The following WWOX variants were observed in gnomAD, a reference collection of about 807,000 sequenced individuals.
The protein encoded by WWOX is WW domain containing oxidoreductase.
A neutral mutation model predicts 46.2 loss-of-function variants in WWOX; 69 were observed. The ratio of observed to expected loss-of-function variants is 1.49; its 90% CI spans 1.23 to 1.82. The LOEUF is 1.82. Among genes scored for constraint, WWOX ranks in the 40% most tolerant of loss-of-function variants. The pLI is 0.00. For missense variants in WWOX, 919 were observed against 542.6 expected (o/e 1.69, Z -6.89); for synonymous variants, 359 against 202.6 (o/e 1.77, Z -6.56).
chr16:79,194,453 A>G (rs2051197997), intron 8 of WWOX, among the ~76,000 whole-genome samples: 1 of 152,180 alleles, frequency 6.6e-6, no homozygotes, highest in Non-Finnish European at 1.5e-5. Context: ...GAAGATGAAG[A>G]AAGGTTCTGG....
intron 8 of WWOX, among the ~76,000 whole-genome samples, chr16:78,846,006 G>A (rs2052288828): frequency 6.6e-6 from 1 of 152,200 alleles, no homozygotes; most frequent in South Asian, 2.1e-4. Context: ...TAAGATGGTA[G>A]CGTGGATGCG....
intron 5 of WWOX, among the ~76,000 whole-genome samples, chr16:78,186,508 A>C (rs180957219): frequency 8.6e-4 from 131 of 152,348 alleles, no homozygotes; most frequent in African/African-American, 3.1e-3. Context: ...TCATGCCTGT[A>C]ATGTCAGCAC....
At chr16:78,161,111 G>T (rs114553375) in intron 4 of WWOX, among the ~76,000 whole-genome samples, 3 of 150,822 alleles carry the variant, frequency 2.0e-5, no homozygotes, top group Non-Finnish European at 4.4e-5. Context: ...CTTTTGGCCC[G>T]TGTTATACAG....
In WWOX at chr16:78,897,082, G is replaced by GAA. The variant is rs200661293; in HGVS notation, c.1057-314516_1057-314515dup. On this transcript the variant is annotated intron_variant, in intron 8 of 8. Coordinates refer to ENST00000566780, the MANE Select transcript of WWOX (RefSeq NM_016373.4). ...GCCTCCACTAAAAATACAAAAAAAAGAAAAAAAAAAAGAAAAAAATAGCTG... is the reference window on the plus strand; with the variant it reads ...GCCTCCACTAAAAATACAAAAAAAAGAAAAAAAAAAAAAGAAAAAAATAGCTG... 27 of 138,912 alleles carry GAA rather than the reference G, an allele frequency of 1.9e-4. 1 individual carries two copies. The highest frequency in any genetic ancestry group is 4.7e-4 in the South Asian group (2 of 4,300). The allele number at this position is 138,912 out of a possible 1,614,324, so 8.6% of individuals were successfully genotyped here. A position where few individuals can be genotyped will look rare whatever the true frequency, so the allele number is the denominator to read the frequency against.
rs1172570132 is a variant in WWOX, at chr16:78,710,859, C to G, written c.1056+278107C>G. ...CTCAAACTCCTGAGCTCAAGCGATC[C>G]TACTCACTCGGCCTCCCAAAGTGCT... On this transcript the variant is annotated intron_variant, in intron 8 of 8. Transcript: ENST00000566780. Among the ~76,000 whole-genome samples the G allele has an allele frequency of 2.0e-5, 3 of 152,148 alleles. No individual in the cohort carries two copies. In the East Asian group the frequency reaches 5.8e-4, roughly 29 times the overall value.
chr16:78,393,840 G>GT (rs1448327763), intron 6 of WWOX, among the ~76,000 whole-genome samples: 2 of 150,266 alleles, frequency 1.3e-5, no homozygotes, highest in Non-Finnish European at 2.9e-5. Context: ...GAACAGTGGT[G>GT]TTTTTTTAAT....
chr16:79,134,616 C>T (rs1312210399), intron 8 of WWOX, among the ~76,000 whole-genome samples: 1 of 152,148 alleles, frequency 6.6e-6, no homozygotes, highest in East Asian at 1.9e-4. Context: ...TACAGACACC[C>T]ACACCCACAC....
intron 5 of WWOX, among the ~76,000 whole-genome samples, chr16:78,234,180 T>C (rs561592030): frequency 4.3e-4 from 66 of 152,290 alleles, no homozygotes; most frequent in African/African-American, 1.5e-3. Flanking sequence ...CTATTCCATC[T>C]TTAAAAACCT....
chr16:79,171,112 A>G (rs1167499817), intron 8 of WWOX, among the ~76,000 whole-genome samples: 1 of 152,172 alleles, frequency 6.6e-6, no homozygotes, highest in Non-Finnish European at 1.5e-5. Context: ...GGCACGTGAG[A>G]GTGAGAGGGA....
intron 8 of WWOX, among the ~76,000 whole-genome samples, chr16:79,185,786 G>A (rs867776920): frequency 6.6e-6 from 1 of 152,166 alleles, no homozygotes; most frequent in Non-Finnish European, 1.5e-5. Flanking sequence ...AGAGGGTGTG[G>A]TTCTCAGGGT....
chr16:78,560,295 C>T (rs895036326), intron 8 of WWOX, among the ~76,000 whole-genome samples: 1 of 152,150 alleles, frequency 6.6e-6, no homozygotes, highest in African/African-American at 2.4e-5. Flanking sequence ...AAAACAATTA[C>T]ACTAGCTGCT....
intron 8 of WWOX, among the ~76,000 whole-genome samples, chr16:78,973,382 G>A (rs1389214525): frequency 1.3e-5 from 2 of 152,120 alleles, no homozygotes; most frequent in South Asian, 2.1e-4. Context: ...GTTCTAGAAC[G>A]ATCTCCACTT....
At chr16:78,100,783 T>C (rs1017319467) in intron 1 of WWOX, among the ~76,000 whole-genome samples, 2 of 152,172 alleles carry the variant, frequency 1.3e-5, no homozygotes, top group African/African-American at 4.8e-5. Flanking sequence ...TAACTGTCGT[T>C]CCTTGATTGC....
chr16:79,129,158 T>C (rs2049823330), intron 8 of WWOX, among the ~76,000 whole-genome samples: 1 of 151,984 alleles, frequency 6.6e-6, no homozygotes, highest in East Asian at 1.9e-4. Context: ...GTAGGCACTG[T>C]TCAAGCATTT....
intron 5 of WWOX, among the ~76,000 whole-genome samples, chr16:78,239,335 A>G (rs2037548755): frequency 6.6e-6 from 1 of 152,156 alleles, no homozygotes; most frequent in African/African-American, 2.4e-5. Flanking sequence ...CAAAGAAAGC[A>G]GGGTGGTCCT....
rs182529774 is a variant in WWOX at position 78,194,662 on chromosome 16, C to T, written c.516+30373C>T. 2.6e-5 allele frequency among the ~76,000 whole-genome samples: 4 copies of T among 151,588 alleles called. No individual in the cohort carries two copies. The East Asian group carries it at 7.8e-4, about 30-fold the overall frequency. On this transcript the variant is annotated intron_variant, in intron 5 of 8. Transcript: ENST00000566780. ...CTCTTAAAAATATTGGAAGACATGG[C>T]AATAATTATCTGGGACTGAATAGCA...
At chr16:79,153,466 A>G (rs1443095592) in intron 8 of WWOX, among the ~76,000 whole-genome samples, 3 of 152,192 alleles carry the variant, frequency 2.0e-5, no homozygotes, top group Non-Finnish European at 2.9e-5. Context: ...TTTGGTTTAC[A>G]TCGGGAATGC....
At chr16:78,658,542 C>T (rs868696930) in intron 8 of WWOX, among the ~76,000 whole-genome samples, 4 of 152,128 alleles carry the variant, frequency 2.6e-5, no homozygotes, top group Admixed American at 1.3e-4. Context: ...TGGTTCCTCC[C>T]GGGGCTCTCA....
chr16:78,974,976 G>A lies in WWOX; in HGVS notation c.1057-236632G>A, dbSNP rs147391682. ...CCCAAAGGGAGATGGACATTTCTAG[G>A]CTTGTGGAAGGGACTCCCCAGCCCC... On this transcript the variant is annotated intron_variant, in intron 8 of 8. Coordinates refer to ENST00000566780, the MANE Select transcript of WWOX (RefSeq NM_016373.4). Among the ~76,000 whole-genome samples the A allele has an allele frequency of 7.2e-3, 1,097 of 152,240 alleles. 10 individuals carry two copies. The highest frequency in any genetic ancestry group is 0.011 in the Non-Finnish European group (719 of 68,010).
Sources: allele counts gnomAD v4.1 joint callset (sites outside exome capture counted in the v4.1 genomes callset), GRCh38; gene constraint gnomAD v4.1.1; transcripts MANE v1.5; gene names NCBI Gene and HGNC (gene_info 2026-07-23, HGNC 2026-07-21).